DIAPH3: variants seen among roughly 807,000 people sequenced by gnomAD.
The protein encoded by DIAPH3 is protein diaphanous homolog 3.
A neutral mutation model predicts 144.3 loss-of-function variants in DIAPH3; 117 were observed. That is an observed-to-expected ratio of 0.81 (90% CI 0.70 to 0.95). DIAPH3 has a LOEUF of 0.95. Among genes scored for constraint, DIAPH3 ranks in the 40% least tolerant of loss-of-function variants. The pLI is 0.00. For synonymous variants in DIAPH3, 519 were observed against 488.9 expected, an observed-to-expected ratio of 1.06 and a Z score of -0.81; for missense variants, 1,421 against 1,412.7, an observed-to-expected ratio of 1.01 and a Z score of -0.09.
At chr13:59,739,616 T>C (rs1384937616) in intron 27 of DIAPH3, among the ~76,000 whole-genome samples, 1 of 152,166 alleles carries the variant, frequency 6.6e-6, no homozygotes, top group African/African-American at 2.4e-5. Flanking sequence ...CTACTAAATA[T>C]GTTTATTTTA....
chr13:60,039,979 G>T (rs2818952), intron 5 of DIAPH3, among the ~76,000 whole-genome samples: 114,634 of 151,792 alleles, frequency 0.76, 43,426 homozygotes, highest in Admixed American at 0.81. Context: ...CTTACACCTG[G>T]AATCCCAGCA....
In DIAPH3 at chr13:59,937,231, T is replaced by C. The variant is rs137921280; in HGVS notation, c.2075-12361A>G. On this transcript the variant is annotated intron_variant, in intron 17 of 27. Coordinates refer to ENST00000400324, the MANE Select transcript of DIAPH3 (RefSeq NM_001042517.2). Reference sequence around the variant, plus strand: ...ACGTATAACATTCTCTCATATGTTCTCTGATGGTAGAAATATATCTCTGCT... The same window carrying C: ...ACGTATAACATTCTCTCATATGTTCCCTGATGGTAGAAATATATCTCTGCT... Among the ~76,000 whole-genome samples the C allele has an allele frequency of 6.6e-5, 10 of 152,248 alleles. No homozygotes were observed. The East Asian group carries it at 1.9e-3, about 29-fold the overall frequency.
At chr13:60,002,657 T>G (rs1053502135) in intron 9 of DIAPH3, among the ~76,000 whole-genome samples, 2 of 152,174 alleles carry the variant, frequency 1.3e-5, no homozygotes, top group African/African-American at 4.8e-5. Context: ...ACTTCATGGG[T>G]ACTGGATCAG....
chr13:59,824,860 A>G (rs1179629678), intron 24 of DIAPH3, among the ~76,000 whole-genome samples: 1 of 152,150 alleles, frequency 6.6e-6, no homozygotes, highest in African/African-American at 2.4e-5. Context: ...TGAGTAAGAA[A>G]GAAGTGTAGT....
chr13:59,875,430 A>G lies in DIAPH3; in HGVS notation c.2607+3799T>C, dbSNP rs571906357. Reference sequence around the variant, plus strand: ...GTGACTGAAACGTACATTTTTTTTCACATCATAAGGGTTCGCATGGGGTGC... The same window carrying G: ...GTGACTGAAACGTACATTTTTTTTCGCATCATAAGGGTTCGCATGGGGTGC... On this transcript the variant is annotated intron_variant, in intron 21 of 27. Transcript: ENST00000400324. Among the ~76,000 whole-genome samples the G allele has an allele frequency of 2.0e-5, 3 of 151,970 alleles. No homozygotes were observed. In the East Asian group the frequency reaches 5.8e-4, roughly 29 times the overall value.
chr13:59,916,846 C>G (rs1359742182), intron 18 of DIAPH3, among the ~76,000 whole-genome samples: 1 of 152,086 alleles, frequency 6.6e-6, no homozygotes, highest in East Asian at 1.9e-4. Flanking sequence ...CAAATTCTCA[C>G]TGAAAATTAT....
chr13:59,674,285 G>A (rs1311510968), intron 27 of DIAPH3, among the ~76,000 whole-genome samples: 1 of 152,174 alleles, frequency 6.6e-6, no homozygotes, highest in Non-Finnish European at 1.5e-5. Context: ...TAACAGCCCT[G>A]TGAGATAGGT....
chr13:59,677,634 T>TAA (rs1426277175), intron 27 of DIAPH3, among the ~76,000 whole-genome samples: 3 of 152,144 alleles, frequency 2.0e-5, no homozygotes, highest in African/African-American at 7.2e-5. Flanking sequence ...ACCTGGCTAT[T>TAA]GTCTACTGTA....
intron 5 of DIAPH3, among the ~76,000 whole-genome samples, chr13:60,031,732 C>CCTTT: frequency 1.5e-5 from 1 of 64,668 alleles, no homozygotes. Flanking sequence ...GTCATTAAAT[C>CCTTT]TTTTTTTTTT....
In DIAPH3 at chr13:59,884,869, C is replaced by T. The variant is rs116579243; in HGVS notation, c.2368-5401G>A. Among the ~76,000 whole-genome samples, 844 of 150,424 alleles carry T rather than the reference C, an allele frequency of 5.6e-3. 9 individuals carry two copies. Among genetic ancestry groups the T allele is most frequent in the African/African-American group, 0.02 (816 of 41,062 alleles). On this transcript the variant is annotated intron_variant, in intron 20 of 27. Coordinates refer to ENST00000400324, the MANE Select transcript of DIAPH3 (RefSeq NM_001042517.2). ...TGTTTTTAAAATAAATGTACTCTTA[C>T]GATATTAAAGCTGCTATGCTAAAGT... is the stretch of plus-strand genomic sequence containing the variant.
At chr13:59,759,032 T>C (rs1474007175) in intron 27 of DIAPH3, among the ~76,000 whole-genome samples, 2 of 150,804 alleles carry the variant, frequency 1.3e-5, no homozygotes, top group African/African-American at 4.9e-5. Context: ...GCTCAAGCTA[T>C]CCTCCTGCCT....
intron 20 of DIAPH3, among the ~76,000 whole-genome samples, chr13:59,900,279 T>A (rs2046357359): frequency 6.6e-6 from 1 of 152,238 alleles, no homozygotes; most frequent in South Asian, 2.1e-4. Flanking sequence ...TTTATTATCA[T>A]GATGTATTAG....
intron 24 of DIAPH3, among the ~76,000 whole-genome samples, chr13:59,813,673 G>A (rs2040611183): frequency 6.6e-6 from 1 of 151,952 alleles, no homozygotes; most frequent in Non-Finnish European, 1.5e-5. Flanking sequence ...GGCCAACATG[G>A]TGAAACCCCG....
At chr13:60,147,108 A>T (rs181974354) in intron 1 of DIAPH3, 5 of 152,232 alleles carry the variant, frequency 3.3e-5, no homozygotes, top group African/African-American at 9.6e-5. Flanking sequence ...TCACAGGTGA[A>T]GCCTCCAAGG....
intron 3 of DIAPH3, among the ~76,000 whole-genome samples, chr13:60,100,402 T>C (rs1395386514): frequency 6.6e-6 from 1 of 151,954 alleles, no homozygotes; most frequent in Non-Finnish European, 1.5e-5. Flanking sequence ...TCATAAAAGA[T>C]AAGGAACTGT....
In DIAPH3 at chr13:60,073,791, C is replaced by T. The variant is rs559060502; in HGVS notation, c.495+19837G>A. On this transcript the variant is annotated intron_variant, in intron 4 of 27. Transcript: ENST00000400324. ...TTACTAAATGAGTGCCAATTTACTA[C>T]AAGAATATAAAATGAATTTTTGTGC... Among the ~76,000 whole-genome samples, 13 of 152,274 alleles carry T rather than the reference C, an allele frequency of 8.5e-5. No individual in the cohort carries two copies. In the East Asian group the frequency reaches 1.9e-3, roughly 23 times the overall value.
At position 59,852,442 on chromosome 13, in the gene DIAPH3, G is replaced by C. The variant is rs148711470; in HGVS notation, c.2737+8965C>G. Among the ~76,000 whole-genome samples the C allele has an allele frequency of 3.9e-3, 599 of 152,238 alleles. 5 individuals are homozygous for C. Among genetic ancestry groups the C allele is most frequent in the African/African-American group, 0.014 (582 of 41,546 alleles). On this transcript the variant is annotated intron_variant, in intron 22 of 27. Transcript: ENST00000400324. Reference sequence around the variant, plus strand: ...CCTCCAGAAAAATAAACTCAGAGTTGAAGAGTTGCTGGAGACCAGTTGTTT... The same window carrying C: ...CCTCCAGAAAAATAAACTCAGAGTTCAAGAGTTGCTGGAGACCAGTTGTTT...
intron 27 of DIAPH3, among the ~76,000 whole-genome samples, chr13:59,701,105 T>TC (rs1230991625): frequency 6.6e-6 from 1 of 152,216 alleles, no homozygotes; most frequent in Admixed American, 6.5e-5. Context: ...TCCCAGCCTC[T>TC]GCCTCCAAGT....
chr13:59,978,426 A>G (rs111613371), intron 14 of DIAPH3, among the ~76,000 whole-genome samples: 185 of 151,836 alleles, frequency 1.2e-3, no homozygotes, highest in Non-Finnish European at 2.3e-3. Flanking sequence ...TACAATATCA[A>G]TATGTGAATT....
Sources: allele counts gnomAD v4.1 joint callset (sites outside exome capture counted in the v4.1 genomes callset), GRCh38; gene constraint gnomAD v4.1.1; transcripts MANE v1.5; gene names NCBI Gene and HGNC (gene_info 2026-07-23, HGNC 2026-07-21).